Variants in RBFOX1 observed in about 807,000 individuals in gnomAD.
The protein encoded by RBFOX1 is RNA binding fox-1 homolog 1.
Under a neutral mutation model 57.7 loss-of-function variants are expected in RBFOX1, and 8 were observed. The ratio of observed to expected loss-of-function variants is 0.14; its 90% confidence interval spans 0.08 to 0.25. The LOEUF (loss-of-function observed/expected upper bound fraction) is 0.25, where lower values mean the gene tolerates loss of function less well. Ranked by LOEUF, RBFOX1 falls within the 10% of genes least tolerant of loss-of-function variation. The pLI is 1.00. For missense variants in RBFOX1, 611 were observed against 548.5 expected (o/e 1.11, Z -1.14); for synonymous variants, 326 against 222.4 (o/e 1.47, Z -4.15).
chr16:7,570,178 TA>T (rs58978150), intron 5 of RBFOX1, among the ~76,000 whole-genome samples: 21,328 of 149,722 alleles, frequency 0.14, 1,716 homozygotes, highest in African/African-American at 0.22. Flanking sequence ...TTTTTTTTTT[TA>T]AAAAGTGACT....
chr16:6,895,677 C>T (rs765467408), intron 3 of RBFOX1, among the ~76,000 whole-genome samples: 9 of 151,136 alleles, frequency 6.0e-5, no homozygotes, highest in Admixed American at 2.0e-4. Context: ...GGCAAAAGTA[C>T]CTGATGGAAG....
intron 2 of RBFOX1, among the ~76,000 whole-genome samples, chr16:6,490,413 C>T (rs887492866): frequency 1.3e-5 from 2 of 152,148 alleles, no homozygotes; most frequent in Non-Finnish European, 2.9e-5. Context: ...TGGGTTTGTA[C>T]TTGAAAATGT....
intron 2 of RBFOX1, among the ~76,000 whole-genome samples, chr16:6,635,261 T>G (rs909031875): frequency 6.6e-6 from 1 of 151,534 alleles, no homozygotes; most frequent in Non-Finnish European, 1.5e-5. Flanking sequence ...CTAAAAATGA[T>G]TTTTTGGAAC....
intron 4 of RBFOX1, among the ~76,000 whole-genome samples, chr16:7,290,615 C>T (rs903655949): frequency 7.2e-5 from 11 of 152,316 alleles, no homozygotes; most frequent in African/African-American, 2.4e-4. Context: ...CAAATTTGCT[C>T]ATTCACTCAA....
chr16:5,511,789 G>T (rs1178938782), intron 2 of RBFOX1, among the ~76,000 whole-genome samples: 3 of 152,214 alleles, frequency 2.0e-5, no homozygotes, highest in African/African-American at 7.2e-5. Flanking sequence ...CAAGGTGAAT[G>T]TAACTATGTC....
chr16:5,606,774 C>G (rs2047596603), intron 3 of RBFOX1, among the ~76,000 whole-genome samples: 1 of 151,998 alleles, frequency 6.6e-6, no homozygotes, highest in South Asian at 2.1e-4. Context: ...TCTTGAAGGA[C>G]AAGTGGGAGT....
intron 3 of RBFOX1, among the ~76,000 whole-genome samples, chr16:6,812,270 G>A (rs1478001713): frequency 1.3e-5 from 2 of 152,176 alleles, no homozygotes; most frequent in African/African-American, 4.8e-5. Context: ...CAAAATGAAA[G>A]TATCTCCCTT....
intron 3 of RBFOX1, among the ~76,000 whole-genome samples, chr16:5,661,842 A>T (rs138471336): frequency 0.027 from 4,162 of 152,054 alleles, 187 homozygotes; most frequent in African/African-American, 0.094. Context: ...CTGGGGTGCA[A>T]TGGTGAGATC....
intron 4 of RBFOX1, among the ~76,000 whole-genome samples, chr16:7,374,834 CGTATTT>C (rs2097654165): frequency 6.6e-6 from 1 of 152,138 alleles, no homozygotes; most frequent in East Asian, 1.9e-4. Context: ...CAAACAACTG[CGTATTT>C]TGAAATAGGT....
intron 1 of RBFOX1, among the ~76,000 whole-genome samples, chr16:6,289,835 A>G (rs1006683668): frequency 1.3e-5 from 2 of 152,206 alleles, no homozygotes; most frequent in African/African-American, 4.8e-5. Context: ...AAATTGAATG[A>G]ATAATACAAA....
At chr16:5,913,114 C>G (rs1032819576) in intron 4 of RBFOX1, among the ~76,000 whole-genome samples, 4 of 152,208 alleles carry the variant, frequency 2.6e-5, no homozygotes, top group East Asian at 1.9e-4. Flanking sequence ...TTGTGTTAGC[C>G]TCTCTTTCTT....
chr16:6,483,964 G>A, intron 2 of RBFOX1: 1 of 1,037,322 alleles, frequency 9.6e-7, no homozygotes, highest in African/African-American at 1.7e-5. Flanking sequence ...TGTGCTCAGG[G>A]CTCGCCCTGG....
chr16:7,145,978 G>A (rs929729022), intron 4 of RBFOX1, among the ~76,000 whole-genome samples: 11 of 152,144 alleles, frequency 7.2e-5, no homozygotes, highest in African/African-American at 2.4e-4. Context: ...TCTGCAACTA[G>A]TCACCCCATC....
intron 4 of RBFOX1, among the ~76,000 whole-genome samples, chr16:7,365,106 C>A (rs2097416167): frequency 2.0e-5 from 3 of 152,090 alleles, no homozygotes; most frequent in African/African-American, 7.2e-5. Context: ...TCTATCCATC[C>A]CAATACAAAC....
chr16:7,334,413 G>T (rs1049299142), intron 4 of RBFOX1, among the ~76,000 whole-genome samples: 2 of 152,088 alleles, frequency 1.3e-5, no homozygotes, highest in Non-Finnish European at 2.9e-5. Flanking sequence ...AAGTTAACAG[G>T]CCTGTTGCTG....
chr16:5,768,283 G>T (rs1488141076), intron 3 of RBFOX1, among the ~76,000 whole-genome samples: 1 of 152,144 alleles, frequency 6.6e-6, no homozygotes, highest in Middle Eastern at 3.2e-3. Flanking sequence ...CAAAGGAAGC[G>T]CTGAAATGTG....
intron 4 of RBFOX1, among the ~76,000 whole-genome samples, chr16:7,262,655 T>C (rs1441437032): frequency 6.6e-6 from 1 of 152,250 alleles, no homozygotes; most frequent in African/African-American, 2.4e-5. Context: ...TCAAATACAA[T>C]CTGCAATCTA....
chr16:7,312,106 G>A (rs1351526004), intron 4 of RBFOX1, among the ~76,000 whole-genome samples: 4 of 152,360 alleles, frequency 2.6e-5, no homozygotes, highest in Middle Eastern at 3.4e-3. Context: ...AGGGCCGGGC[G>A]CAGTGGCCCA....
At chr16:5,470,587 G>A (rs376243215) in intron 2 of RBFOX1, among the ~76,000 whole-genome samples, 99 of 152,200 alleles carry the variant, frequency 6.5e-4, no homozygotes, top group African/African-American at 2.1e-3. Context: ...GGCGTCACCC[G>A]TGAGCCATAT....
Sources: allele counts gnomAD v4.1 joint callset (sites outside exome capture counted in the v4.1 genomes callset), GRCh38; gene constraint gnomAD v4.1.1; transcripts MANE v1.5; gene names NCBI Gene and HGNC (gene_info 2026-07-23, HGNC 2026-07-21).